Variants in DCHS2 observed in about 807,000 individuals in gnomAD.
The protein encoded by DCHS2 is dachsous cadherin-related 2.
DCHS2 carries 142 observed loss-of-function variants against 182.4 expected under a neutral mutation model. That is an observed-to-expected ratio of 0.78 (90% CI 0.68 to 0.89). The LOEUF is 0.89. Among genes scored for constraint, DCHS2 ranks in the 40% least tolerant of loss-of-function variants. The pLI is 0.00. For missense variants in DCHS2, 4,319 were observed against 4,198.6 expected (o/e 1.03, Z -0.79); for synonymous variants, 1,740 against 1,663.3 (o/e 1.05, Z -1.12).
chr4:154,240,489 T>C (rs765131900), intron 18 of DCHS2, 48 bp downstream of exon 18: 19 of 1,591,288 alleles, frequency 1.2e-5, no homozygotes, highest in Non-Finnish European at 1.6e-5. Context: ...TTATTCTCTA[T>C]TCTTTCTAGT....
chr4:154,271,927 G>C (rs1448231122), intron 13 of DCHS2, among the ~76,000 whole-genome samples: 2 of 151,800 alleles, frequency 1.3e-5, no homozygotes, highest in Non-Finnish European at 2.9e-5. Context: ...GCTTTCTTAT[G>C]CCCATTTCAG....
intron 3 of DCHS2, among the ~76,000 whole-genome samples, chr4:154,352,144 G>T (rs572482467): frequency 1.3e-5 from 2 of 151,926 alleles, no homozygotes; most frequent in East Asian, 3.9e-4. Context: ...AGCAATAAAA[G>T]GCTTATTATT....
At chr4:154,435,661 C>A (rs1022195054) in intron 1 of DCHS2, among the ~76,000 whole-genome samples, 1 of 151,826 alleles carries the variant, frequency 6.6e-6, no homozygotes, top group Non-Finnish European at 1.5e-5. Flanking sequence ...ATACCTCTGG[C>A]CAATAAAAAA....
chr4:154,468,451 C>T (rs1326750756), intron 1 of DCHS2, among the ~76,000 whole-genome samples: 7 of 152,074 alleles, frequency 4.6e-5, no homozygotes, highest in Admixed American at 3.9e-4. Flanking sequence ...GACCATTTCT[C>T]TATGTTAGCT....
At chr4:154,362,446 C>T (rs1730166761) in intron 3 of DCHS2, among the ~76,000 whole-genome samples, 1 of 152,080 alleles carries the variant, frequency 6.6e-6, no homozygotes, top group African/African-American at 2.4e-5. Context: ...TTCATTTATT[C>T]CACAAATATA....
chr4:154,464,760 G>A (rs904873730), intron 1 of DCHS2, among the ~76,000 whole-genome samples: 1 of 152,118 alleles, frequency 6.6e-6, no homozygotes, highest in Non-Finnish European at 1.5e-5. Flanking sequence ...TTGGTGCCCA[G>A]GCCACAGAGG....
chr4:154,427,540 C>A (rs564800053), intron 1 of DCHS2, among the ~76,000 whole-genome samples: 2 of 152,224 alleles, frequency 1.3e-5, no homozygotes, highest in Admixed American at 6.5e-5. Flanking sequence ...GCCCAATTTG[C>A]GAATCATTCT....
chr4:154,244,927 T>C (rs1732003477), intron 16 of DCHS2, among the ~76,000 whole-genome samples: 1 of 152,136 alleles, frequency 6.6e-6, no homozygotes, highest in African/African-American at 2.4e-5. Flanking sequence ...TCCAATGTCA[T>C]CTAAAGTCTC....
At chr4:154,417,907 GCTT>G (rs1340057277) in intron 1 of DCHS2, among the ~76,000 whole-genome samples, 1 of 152,102 alleles carries the variant, frequency 6.6e-6, no homozygotes, top group African/African-American at 2.4e-5. Context: ...TCAATGTTAA[GCTT>G]TTTTTCCCAA....
intron 1 of DCHS2, among the ~76,000 whole-genome samples, chr4:154,420,715 C>T (rs1170595193): frequency 2.0e-5 from 3 of 152,192 alleles, no homozygotes; most frequent in African/African-American, 4.8e-5. Flanking sequence ...CTTCCTTACT[C>T]GGTCCACTGA....
chr4:154,311,592 T>TA (rs1367281945), intron 10 of DCHS2, among the ~76,000 whole-genome samples: 1 of 152,152 alleles, frequency 6.6e-6, no homozygotes, highest in Non-Finnish European at 1.5e-5. Flanking sequence ...CAGGCATTTC[T>TA]AAAGCAAAAA....
chr4:154,380,817 G>T (rs1381088367), intron 1 of DCHS2, among the ~76,000 whole-genome samples: 1 of 151,840 alleles, frequency 6.6e-6, no homozygotes, highest in Non-Finnish European at 1.5e-5. Flanking sequence ...CCACCTATTG[G>T]GTCTTGAATG....
chr4:154,377,406 A>G lies in DCHS2; in HGVS notation c.2091T>C (p.Phe697=). 6.2e-7 allele frequency: 1 copy of G among 1,613,474 alleles called. No homozygotes were observed. The highest frequency in any genetic ancestry group is 1.3e-5 in the African/African-American group (1 of 75,006). Reference sequence around the variant, plus strand: ...ATCCATCATAAAGAGAATATTCAATAAAGCCATAGAGTCCTGAATCTGCAT... The same window carrying G: ...ATCCATCATAAAGAGAATATTCAATGAAGCCATAGAGTCCTGAATCTGCAT... ...ASDADSGLYG[F]IEYSLYDGFL... Residue 697 remains phenylalanine, a synonymous_variant, in exon 2 of 20, where the codon TTT becomes TTC. Transcript: ENST00000357232.
chr4:154,428,158 A>G lies in DCHS2; in HGVS notation c.2053-50714T>C, dbSNP rs547554951. 6.6e-4 allele frequency among the ~76,000 whole-genome samples: 101 copies of G among 152,298 alleles called. No homozygotes were observed. In the South Asian group the frequency reaches 0.01, roughly 16 times the overall value. ...GAAAGGCAGACTGGAAGAGAGACAC[A>G]TTGGAGATATGAAATCTAGTAGATA... is the stretch of plus-strand genomic sequence containing the variant. On this transcript the variant is annotated intron_variant, in intron 1 of 19. Coordinates refer to ENST00000357232, the MANE Select transcript of DCHS2 (RefSeq NM_001358235.2).
intron 3 of DCHS2, among the ~76,000 whole-genome samples, chr4:154,337,619 G>A (rs1236509847): frequency 6.6e-6 from 1 of 152,112 alleles, no homozygotes; most frequent in African/African-American, 2.4e-5. Context: ...TCTAGGCAAA[G>A]TGAACAGCTT....
At chr4:154,254,954 C>CTATT (rs2111153908) in intron 16 of DCHS2, among the ~76,000 whole-genome samples, 1 of 152,202 alleles carries the variant, frequency 6.6e-6, no homozygotes, top group East Asian at 1.9e-4. Flanking sequence ...AACTTAAACA[C>CTATT]TATTATTATT....
At chr4:154,435,971 T>C (rs1733762258) in intron 1 of DCHS2, among the ~76,000 whole-genome samples, 1 of 152,334 alleles carries the variant, frequency 6.6e-6, no homozygotes, top group South Asian at 2.1e-4. Context: ...TAATCATATA[T>C]AACATCGTGA....
chr4:154,486,504 A>G, intron 1 of DCHS2: 1 of 1,304,742 alleles, frequency 7.7e-7, no homozygotes, highest in Non-Finnish European at 1.0e-6. Context: ...GACAAAGGCA[A>G]CTTGAGCAGA....
At position 154,236,712 on chromosome 4, in the gene DCHS2, GAACTC is replaced by G; in HGVS notation, c.7935_7939del (p.Leu2645PhefsTer11). The G allele has an allele frequency of 2.5e-6, 4 of 1,613,956 alleles. No homozygotes were observed. In the South Asian group the frequency reaches 4.4e-5, roughly 18 times the overall value. ...TACTTGTATTGATATGACAGCTGTG[GAACTC>G]AATGGAGGGCAGCCACTGTCAGATG... On this transcript the variant is annotated frameshift_variant, in exon 20 of 20. Coordinates refer to ENST00000357232, the MANE Select transcript of DCHS2 (RefSeq NM_001358235.2). LOFTEE classifies it low-confidence loss of function (END_TRUNC).
Sources: allele counts gnomAD v4.1 joint callset (sites outside exome capture counted in the v4.1 genomes callset), GRCh38; gene constraint gnomAD v4.1.1; transcripts MANE v1.5; gene names NCBI Gene and HGNC (gene_info 2026-07-23, HGNC 2026-07-21).